VANGL1: variants seen among roughly 807,000 people sequenced by gnomAD.
VANGL1 encodes the protein VANGL planar cell polarity protein 1.
VANGL1 carries 18 observed loss-of-function variants against 48.4 expected under a neutral mutation model. The observed-to-expected ratio is 0.37, with a 90% CI of 0.26 to 0.55. VANGL1 has a LOEUF of 0.55. Among genes scored for constraint, VANGL1 ranks in the 20% least tolerant of loss-of-function variants. VANGL1 has a pLI of 0.81. For missense variants in VANGL1, 667 were observed against 675.8 expected (o/e 0.99, Z 0.14); for synonymous variants, 257 against 261.8 (o/e 0.98, Z 0.18).
rs12119668 is a variant in VANGL1 at position 115,681,506 on chromosome 1, T to G, written c.813-858T>G. Among the ~76,000 whole-genome samples the G allele has an allele frequency of 7.2e-4, 53 of 73,754 alleles. 2 individuals are homozygous for G. The highest frequency in any genetic ancestry group is 1.6e-3 in the Admixed American group (10 of 6,404). 48.4% of individuals were successfully genotyped at this position (73,754 alleles called of 152,430 possible). A position where few individuals can be genotyped will look rare whatever the true frequency, so the allele number is the denominator to read the frequency against. ...CGGAGGCTCTCTTTTTTTTGTTGTT[T>G]TTTTTGTTTTTTTTTTTGAGACTGA... On this transcript the variant is annotated intron_variant, in intron 4 of 7. Transcript: ENST00000355485.
rs1368970947 is a variant in VANGL1, at chr1:115,663,141, G to A, written c.205-520G>A. ...CTACAGGTAAGCTTGGGTTTGTGTA[G>A]TGGTGTAAGTTCCCTTGCTACGCCC... On this transcript the variant is annotated intron_variant, in intron 3 of 7. Coordinates refer to ENST00000355485, the MANE Select transcript of VANGL1 (RefSeq NM_138959.3). Among the ~76,000 whole-genome samples, 4 of 152,192 alleles carry A rather than the reference G, an allele frequency of 2.6e-5. No homozygotes were observed. In the South Asian group the frequency reaches 8.3e-4, roughly 31 times the overall value.
intron 3 of VANGL1, among the ~76,000 whole-genome samples, chr1:115,661,115 G>A (rs973253217): frequency 1.2e-4 from 18 of 152,140 alleles, no homozygotes; most frequent in African/African-American, 3.9e-4. Context: ...CATTGAGATG[G>A]GTGTTTGGAG....
chr1:115,660,866 CA>C (rs1177619877), intron 3 of VANGL1, among the ~76,000 whole-genome samples: 1 of 152,160 alleles, frequency 6.6e-6, no homozygotes, highest in Non-Finnish European at 1.5e-5. Flanking sequence ...GAGCAATGAG[CA>C]AATGCCTTTA....
chr1:115,649,666 A>G (rs557249586), intron 1 of VANGL1, among the ~76,000 whole-genome samples: 3 of 152,322 alleles, frequency 2.0e-5, no homozygotes, highest in African/African-American at 7.2e-5. Flanking sequence ...TGCATTTTAC[A>G]GTTACATGTT....
chr1:115,653,428 A>G (rs539166282), intron 2 of VANGL1, among the ~76,000 whole-genome samples: 1 of 152,304 alleles, frequency 6.6e-6, no homozygotes, highest in South Asian at 2.1e-4. Flanking sequence ...TAAAATACCA[A>G]TTTTGTTTAG....
At chr1:115,643,046 T>A (rs1481948522) in intron 1 of VANGL1, among the ~76,000 whole-genome samples, 1 of 152,260 alleles carries the variant, frequency 6.6e-6, no homozygotes, top group Non-Finnish European at 1.5e-5. Context: ...GAAGGTGTTG[T>A]GAGCTCTCTT....
chr1:115,691,328 C>A lies in VANGL1; in HGVS notation c.1524C>A (p.Asp508Glu). Residue 508 changes from aspartate to glutamate, a missense_variant, in exon 8 of 8, where the codon GAC becomes GAA. Physicochemically the swap from Asp to Glu is conservative, Grantham distance 45 (BLOSUM62 2). Coordinates refer to ENST00000355485, the MANE Select transcript of VANGL1 (RefSeq NM_138959.3). ...PFIILSEEFI[D>E]PKSHKFVLRL... Reference sequence around the variant, plus strand: ...TCATACTCTCTGAAGAGTTCATAGACCCCAAATCTCACAAATTTGTCCTTC... The same window carrying A: ...TCATACTCTCTGAAGAGTTCATAGAACCCAAATCTCACAAATTTGTCCTTC... 5.0e-6 allele frequency: 8 copies of A among 1,614,070 alleles called. No homozygotes were observed. Among genetic ancestry groups the A allele is most frequent in the South Asian group, 1.1e-5 (1 of 91,078 alleles).
chr1:115,682,334 T>C (rs1653424445), intron 4 of VANGL1, 30 bp from the exon 5 acceptor site: 1 of 1,613,350 alleles, frequency 6.2e-7, no homozygotes, highest in Admixed American at 1.7e-5. Context: ...GTGAAAAAGC[T>C]TTGCATTAAT....
intron 4 of VANGL1, among the ~76,000 whole-genome samples, chr1:115,676,094 CATT>C (rs1196098540): frequency 1.3e-5 from 2 of 152,146 alleles, no homozygotes; most frequent in African/African-American, 4.8e-5. Context: ...CCTTCACTGT[CATT>C]ATTTCATTTG....
At chr1:115,654,498 TAAAA>T (rs869142756) in intron 2 of VANGL1, among the ~76,000 whole-genome samples, 5 of 90,794 alleles carry the variant, frequency 5.5e-5, no homozygotes, top group South Asian at 4.3e-4. Flanking sequence ...TTGGTAGGGC[TAAAA>T]AAAAAAAAAA....
intron 4 of VANGL1, among the ~76,000 whole-genome samples, chr1:115,679,276 A>G (rs1312697765): frequency 6.6e-6 from 1 of 152,192 alleles, no homozygotes; most frequent in African/African-American, 2.4e-5. Context: ...GGAGTGCAGG[A>G]CGCCTGCACT....
In VANGL1 at chr1:115,659,505, C is replaced by CTGTGTG. The variant is rs58894569; in HGVS notation, c.72-106_72-101dup. ...GTGAAGATGGGTGGGTTTTGATGCTCTGTGTGTGTGTGTGTGTGTGTGTGT... is the reference window on the plus strand; with the variant it reads ...GTGAAGATGGGTGGGTTTTGATGCTCTGTGTGTGTGTGTGTGTGTGTGTGTGTGTGT... On this transcript the variant is annotated intron_variant, in intron 2 of 7. Transcript: ENST00000355485. The CTGTGTG allele has an allele frequency of 1.1e-3, 1,079 of 958,836 alleles. 1 individual carries two copies. Among genetic ancestry groups the CTGTGTG allele is most frequent in the East Asian group, 2.7e-3 (104 of 38,454 alleles). The allele number at this position is 958,836 out of a possible 1,614,324, so 59.4% of individuals were successfully genotyped here. A position where few individuals can be genotyped will look rare whatever the true frequency, so the allele number is the denominator to read the frequency against.
intron 7 of VANGL1, among the ~76,000 whole-genome samples, chr1:115,687,480 A>G (rs1653674117): frequency 7.2e-6 from 1 of 138,612 alleles, no homozygotes; most frequent in South Asian, 2.4e-4. Flanking sequence ...TTTTTGTTTC[A>G]TTTAAAAATT....
At chr1:115,646,943 G>A (rs1017288194) in intron 1 of VANGL1, among the ~76,000 whole-genome samples, 1 of 152,196 alleles carries the variant, frequency 6.6e-6, no homozygotes, top group Admixed American at 6.5e-5. Context: ...CATGTAAAGG[G>A]TGAGTACCAA....
chr1:115,679,417 G>A (rs1653289063), intron 4 of VANGL1, among the ~76,000 whole-genome samples: 1 of 152,244 alleles, frequency 6.6e-6, no homozygotes, highest in East Asian at 1.9e-4. Flanking sequence ...GGGACGCCAG[G>A]ACTTTGCTCT....
In VANGL1 at chr1:115,687,169, T is replaced by C. The variant is rs578210389; in HGVS notation, c.1314+1642T>C. On this transcript the variant is annotated intron_variant, in intron 7 of 7. Transcript: ENST00000355485. ...TCTCTCTCCTAGGAAAACTATTTCC[T>C]ACAATCATATATACACATGAATATA... is the stretch of plus-strand genomic sequence containing the variant. Among the ~76,000 whole-genome samples the C allele has an allele frequency of 1.1e-4, 16 of 139,318 alleles. 1 individual carries two copies. The highest frequency in any genetic ancestry group is 1.4e-4 in the Non-Finnish European group (9 of 63,522). The allele number at this position is 139,318 out of a possible 152,430, so 91.4% of individuals were successfully genotyped here.
intron 4 of VANGL1, among the ~76,000 whole-genome samples, chr1:115,681,370 T>C (rs200274794): frequency 2.0e-5 from 3 of 146,788 alleles, no homozygotes; most frequent in African/African-American, 5.0e-5. Flanking sequence ...CAGGGGATAG[T>C]TGGAGACCTA....
intron 4 of VANGL1, among the ~76,000 whole-genome samples, chr1:115,677,129 C>T (rs1032275037): frequency 1.3e-5 from 2 of 152,200 alleles, no homozygotes; most frequent in Admixed American, 6.5e-5. Context: ...ATATGCAGGG[C>T]ATTAATTTGG....
At chr1:115,683,506 TTGTC>T (rs934445336) in intron 5 of VANGL1, among the ~76,000 whole-genome samples, 59 of 152,198 alleles carry the variant, frequency 3.9e-4, no homozygotes, top group African/African-American at 1.3e-3. Flanking sequence ...ACTTTCTTTT[TTGTC>T]TGTCTGTCTG....
Sources: gnomAD v4.1 joint callset for allele counts (sites outside exome capture counted in the v4.1 genomes callset) on GRCh38, gnomAD v4.1.1 for gene constraint, MANE v1.5 for transcripts, NCBI Gene and HGNC (gene_info 2026-07-23, HGNC 2026-07-21) for gene names.